Variants in CFDP1 observed in about 807,000 individuals in gnomAD.
The protein encoded by CFDP1 is chromatin remodeling protein CFDP1.
In CFDP1, 31 loss-of-function variants were observed where a neutral mutation model predicts 40.1. That is an observed-to-expected ratio of 0.77 (90% CI 0.58 to 1.04). The LOEUF (loss-of-function observed/expected upper bound fraction) is 1.04. CFDP1 is among the 50% of genes least tolerant of loss of function. CFDP1 has a pLI of 0.00. For synonymous variants in CFDP1, 167 were observed against 120.0 expected (o/e 1.39, Z -2.56); for missense variants, 423 against 343.4 (o/e 1.23, Z -1.83).
At chr16:75,305,631 G>A (rs902624240) in intron 5 of CFDP1, among the ~76,000 whole-genome samples, 2 of 152,092 alleles carry the variant, frequency 1.3e-5, no homozygotes, top group African/African-American at 2.4e-5. Flanking sequence ...TATCTTACAC[G>A]TAAAGGGCTA....
At chr16:75,304,904 C>T (rs1447020118) in intron 6 of CFDP1, 120 bp downstream of exon 6, 2 of 1,081,338 alleles carry the variant, frequency 1.8e-6, no homozygotes, top group African/African-American at 3.2e-5. Flanking sequence ...AAAGTGCTCA[C>T]ATTTTTAGTT....
chr16:75,344,794 T>A (rs1281832900), intron 5 of CFDP1, among the ~76,000 whole-genome samples: 1 of 151,940 alleles, frequency 6.6e-6, no homozygotes, highest in Non-Finnish European at 1.5e-5. Flanking sequence ...TAGCTGGGCA[T>A]GGTGGTGCGT....
chr16:75,397,157 G>A (rs2079001543), intron 4 of CFDP1, among the ~76,000 whole-genome samples: 2 of 151,654 alleles, frequency 1.3e-5, no homozygotes, highest in African/African-American at 2.4e-5. Context: ...CTTGTGATCT[G>A]CCCGCCTTGG....
chr16:75,381,063 A>C (rs1174465702), intron 5 of CFDP1: 1 of 152,224 alleles, frequency 6.6e-6, no homozygotes, highest in African/African-American at 2.4e-5. Flanking sequence ...GGAGAGAGGA[A>C]GAGTGACTAC....
In CFDP1 at chr16:75,347,220, TGTAATCCCAG is replaced by T. The variant is rs1349344612; in HGVS notation, c.651-42048_651-42039del. ...TCAGCTGGGCATAATGGCGGGCGCT[TGTAATCCCAG>T]GTACTCAGGAGGCTGAGGCAGGAGA... On this transcript the variant is annotated intron_variant, in intron 5 of 6. Coordinates refer to ENST00000283882, the MANE Select transcript of CFDP1 (RefSeq NM_006324.3). Among the ~76,000 whole-genome samples, 3 of 150,538 alleles carry T rather than the reference TGTAATCCCAG, an allele frequency of 2.0e-5. No homozygotes were observed. The Admixed American group carries it at 2.0e-4, about 10-fold the overall frequency.
chr16:75,316,633 A>C (rs921222967), intron 5 of CFDP1, among the ~76,000 whole-genome samples: 1 of 151,714 alleles, frequency 6.6e-6, no homozygotes, highest in Non-Finnish European at 1.5e-5. Context: ...TATTCAGGAA[A>C]TCCCCAAAGG....
Position 75,411,199 on chromosome 16 carries a change from G to A in CFDP1, c.530+626C>T, listed in dbSNP as rs140813180. Among the ~76,000 whole-genome samples, 564 of 151,942 alleles carry A rather than the reference G, an allele frequency of 3.7e-3. 4 individuals carry two copies. The highest frequency in any genetic ancestry group is 0.012 in the African/African-American group (516 of 41,454). ...CACCCTGTACTCCAGCCTGCACAACGGGAGCGAGACTCCATCTAAAAAAAA... is the reference window on the plus strand; with the variant it reads ...CACCCTGTACTCCAGCCTGCACAACAGGAGCGAGACTCCATCTAAAAAAAA... On this transcript the variant is annotated intron_variant, in intron 4 of 6. Coordinates refer to ENST00000283882, the MANE Select transcript of CFDP1 (RefSeq NM_006324.3).
In CFDP1 at chr16:75,426,150, A is replaced by C. The variant is rs2079340880; in HGVS notation, c.64+7139T>G. Among the ~76,000 whole-genome samples, 3 of 151,650 alleles carry C rather than the reference A, an allele frequency of 2.0e-5. No individual in the cohort carries two copies. In the South Asian group the frequency reaches 6.3e-4, roughly 32 times the overall value. Reference sequence around the variant, plus strand: ...CGGATCACCTGAGGTTGGGAGTTCAAGACCAGCCTGACCAACATGGAGAAA... The same window carrying C: ...CGGATCACCTGAGGTTGGGAGTTCACGACCAGCCTGACCAACATGGAGAAA... On this transcript the variant is annotated intron_variant, in intron 1 of 6. Coordinates refer to ENST00000283882, the MANE Select transcript of CFDP1 (RefSeq NM_006324.3).
At chr16:75,423,483 T>C (rs965188350) in intron 1 of CFDP1, among the ~76,000 whole-genome samples, 7 of 151,920 alleles carry the variant, frequency 4.6e-5, no homozygotes, top group Non-Finnish European at 4.4e-5. Flanking sequence ...GTATTTTTAG[T>C]AGAGACTGGG....
At chr16:75,322,957 G>A (rs1309012501) in intron 5 of CFDP1, among the ~76,000 whole-genome samples, 1 of 151,974 alleles carries the variant, frequency 6.6e-6, no homozygotes, top group Non-Finnish European at 1.5e-5. Flanking sequence ...GACGGCCAAG[G>A]ACATTACTGC....
intron 5 of CFDP1, among the ~76,000 whole-genome samples, chr16:75,312,096 T>C (rs1006548283): frequency 6.6e-6 from 1 of 152,164 alleles, no homozygotes; most frequent in African/African-American, 2.4e-5. Context: ...TCCGTAAGGC[T>C]AAAAAGTACA....
intron 1 of CFDP1, among the ~76,000 whole-genome samples, chr16:75,430,305 G>A: frequency 6.6e-6 from 1 of 151,914 alleles, no homozygotes; most frequent in East Asian, 1.9e-4. Context: ...GAGTAGCTGG[G>A]ATTACAGGCA....
intron 5 of CFDP1, among the ~76,000 whole-genome samples, chr16:75,348,863 C>T (rs867899237): frequency 3.3e-5 from 5 of 152,014 alleles, no homozygotes; most frequent in Non-Finnish European, 7.4e-5. Flanking sequence ...GGAACTGTCT[C>T]CATTTAATTT....
intron 5 of CFDP1, among the ~76,000 whole-genome samples, chr16:75,347,540 G>A (rs2078578150): frequency 6.6e-6 from 1 of 151,190 alleles, no homozygotes; most frequent in Admixed American, 6.6e-5. Context: ...TTAGCTGAGT[G>A]CAGTGTCAGG....
chr16:75,410,768 G>C (rs894007686), intron 4 of CFDP1, among the ~76,000 whole-genome samples: 1 of 151,748 alleles, frequency 6.6e-6, no homozygotes, highest in African/African-American at 2.4e-5. Flanking sequence ...AATTAGCCGG[G>C]CATGGTGGTG....
intron 5 of CFDP1, among the ~76,000 whole-genome samples, chr16:75,366,885 C>T (rs984769199): frequency 1.3e-5 from 2 of 152,090 alleles, no homozygotes; most frequent in Non-Finnish European, 1.5e-5. Flanking sequence ...TACTATAGGC[C>T]GGGTGTGGTG....
intron 5 of CFDP1, among the ~76,000 whole-genome samples, chr16:75,380,353 T>C (rs2078842520): frequency 6.6e-6 from 1 of 151,958 alleles, no homozygotes. Context: ...AAGAAGGAAC[T>C]GAAAACCACA....
chr16:75,417,646 T>C (rs752639750), intron 1 of CFDP1, among the ~76,000 whole-genome samples: 6 of 152,228 alleles, frequency 3.9e-5, no homozygotes, highest in Non-Finnish European at 8.8e-5. Context: ...AAGAGTTCAC[T>C]GTGTTTATCT....
intron 1 of CFDP1, chr16:75,419,251 G>A (rs1278882478): frequency 6.3e-6 from 1 of 159,480 alleles, no homozygotes; most frequent in Non-Finnish European, 1.4e-5. Context: ...AAAAATCTGT[G>A]AGCCCCTCAT....
Sources: allele counts gnomAD v4.1 joint callset (sites outside exome capture counted in the v4.1 genomes callset), GRCh38; gene constraint gnomAD v4.1.1; transcripts MANE v1.5; gene names NCBI Gene and HGNC (gene_info 2026-07-23, HGNC 2026-07-21).